The following DPYD variants were observed in gnomAD, a reference collection of about 807,000 sequenced individuals.
The protein encoded by DPYD is dihydropyrimidine dehydrogenase [NADP(+)].
Under a neutral mutation model 116.2 loss-of-function variants are expected in DPYD, and 109 were observed. The observed-to-expected ratio is 0.94, with a 90% CI of 0.80 to 1.10. DPYD has a LOEUF of 1.10. Among genes scored for constraint, DPYD ranks in the 50% least tolerant of loss-of-function variants. The pLI is 0.00. For synonymous variants in DPYD, 440 were observed against 432.0 expected, an observed-to-expected ratio of 1.02 and a Z score of -0.23; for missense variants, 1,302 against 1,254.5, an observed-to-expected ratio of 1.04 and a Z score of -0.57.
chr1:97,242,575 A>C (rs897909123), intron 18 of DPYD, among the ~76,000 whole-genome samples: 1 of 151,708 alleles, frequency 6.6e-6, no homozygotes, highest in African/African-American at 2.4e-5. Flanking sequence ...AGACCTTTCA[A>C]GTTTATATAT....
chr1:97,674,795 C>T (rs1313886358), intron 8 of DPYD, among the ~76,000 whole-genome samples: 5 of 152,108 alleles, frequency 3.3e-5, no homozygotes, highest in Admixed American at 2.0e-4. Context: ...ACCTAAACAA[C>T]GAATTCAGAT....
chr1:97,679,754 C>T lies in DPYD; in HGVS notation c.763-572G>A, dbSNP rs190717909. Among the ~76,000 whole-genome samples, 46 of 152,160 alleles carry T rather than the reference C, an allele frequency of 3.0e-4. 1 individual carries two copies. In the East Asian group the frequency reaches 8.1e-3, roughly 27 times the overall value. Reference sequence around the variant, plus strand: ...GTCAGGAAGCAGAGGGTAGTCACCCCTAGTAAAAGTCACAATGCTTGGTCA... The same window carrying T: ...GTCAGGAAGCAGAGGGTAGTCACCCTTAGTAAAAGTCACAATGCTTGGTCA... On this transcript the variant is annotated intron_variant, in intron 7 of 22. Transcript: ENST00000370192.
intron 3 of DPYD, among the ~76,000 whole-genome samples, chr1:97,789,462 T>C (rs1024784543): frequency 1.3e-5 from 2 of 152,206 alleles, no homozygotes; most frequent in East Asian, 1.9e-4. Flanking sequence ...ATGTTTACTA[T>C]TGATCAGTAA....
chr1:97,870,435 C>T (rs113411628), intron 2 of DPYD, among the ~76,000 whole-genome samples: 3,868 of 151,668 alleles, frequency 0.026, 84 homozygotes, highest in Non-Finnish European at 0.033. Flanking sequence ...TCATAAACTT[C>T]AATAACGGAG....
intron 13 of DPYD, among the ~76,000 whole-genome samples, chr1:97,482,108 T>G (rs1200723782): frequency 6.6e-6 from 1 of 152,164 alleles, no homozygotes; most frequent in Non-Finnish European, 1.5e-5. Context: ...TTGACAACAA[T>G]TGAACAAGCG....
At chr1:97,102,256 T>G (rs1320073420) in intron 20 of DPYD, among the ~76,000 whole-genome samples, 1 of 151,458 alleles carries the variant, frequency 6.6e-6, no homozygotes, top group South Asian at 2.1e-4. Context: ...CTGTAATGGA[T>G]CAACTTTATT....
chr1:97,466,992 T>C (rs2101839641), intron 13 of DPYD, among the ~76,000 whole-genome samples: 1 of 152,136 alleles, frequency 6.6e-6, no homozygotes, highest in Non-Finnish European at 1.5e-5. Context: ...AAACTTGAGA[T>C]CCTACAAGAA....
intron 14 of DPYD, among the ~76,000 whole-genome samples, chr1:97,439,567 T>C (rs1297965374): frequency 3.9e-5 from 6 of 152,132 alleles, no homozygotes; most frequent in Non-Finnish European, 8.8e-5. Context: ...ATGTTATCTC[T>C]CTCCTTTTCT....
intron 6 of DPYD, among the ~76,000 whole-genome samples, chr1:97,693,313 AAAAACCAAAAAAG>A (rs1557887345): frequency 6.3e-5 from 8 of 126,376 alleles, no homozygotes; most frequent in Admixed American, 1.5e-4. Flanking sequence ...AAAAAAAAAA[AAAAACCAAAAAAG>A]AAAATGCAAG....
At chr1:97,513,406 TAA>T (rs1647956272) in intron 13 of DPYD, among the ~76,000 whole-genome samples, 2 of 151,770 alleles carry the variant, frequency 1.3e-5, no homozygotes, top group Admixed American at 1.3e-4. Flanking sequence ...ACTCCCTTGG[TAA>T]GCATTTAATT....
chr1:97,321,097 A>T (rs1047506296), intron 16 of DPYD, among the ~76,000 whole-genome samples: 1 of 104,456 alleles, frequency 9.6e-6, no homozygotes, highest in African/African-American at 3.7e-5. Context: ...GATGGATTAC[A>T]GATTTAAACG....
intron 1 of DPYD, among the ~76,000 whole-genome samples, chr1:97,916,176 T>C (rs145926025): frequency 6.6e-6 from 1 of 152,204 alleles, no homozygotes; most frequent in Non-Finnish European, 1.5e-5. Flanking sequence ...TTCCTTACTG[T>C]TAATATTCAT....
chr1:97,821,460 C>T (rs2101448240), intron 3 of DPYD, among the ~76,000 whole-genome samples: 1 of 152,042 alleles, frequency 6.6e-6, no homozygotes, highest in Middle Eastern at 3.4e-3. Context: ...ATCCCTTTGG[C>T]ATGATTACAG....
chr1:97,542,068 C>A lies in DPYD; in HGVS notation c.1524+7492G>T, dbSNP rs572697185. Among the ~76,000 whole-genome samples the A allele has an allele frequency of 1.4e-4, 22 of 152,240 alleles. No homozygotes were observed. In the Middle Eastern group the frequency reaches 0.017, roughly 118 times the overall value. On this transcript the variant is annotated intron_variant, in intron 12 of 22. Coordinates refer to ENST00000370192, the MANE Select transcript of DPYD (RefSeq NM_000110.4). Reference sequence around the variant, plus strand: ...TTCTTCACATTAATACCAGATCTGACACTACCATATCATTTCTATACATGA... The same window carrying A: ...TTCTTCACATTAATACCAGATCTGAAACTACCATATCATTTCTATACATGA...
intron 20 of DPYD, among the ~76,000 whole-genome samples, chr1:97,116,060 T>A (rs1367937099): frequency 1.3e-5 from 2 of 152,176 alleles, no homozygotes; most frequent in South Asian, 4.1e-4. Flanking sequence ...AACTATAATG[T>A]TAGCTTTTAT....
intron 2 of DPYD, among the ~76,000 whole-genome samples, chr1:97,844,476 G>C (rs1234165574): frequency 6.6e-6 from 1 of 152,128 alleles, no homozygotes; most frequent in East Asian, 1.9e-4. Context: ...CCAATAATTT[G>C]ATCAATCATG....
intron 2 of DPYD, among the ~76,000 whole-genome samples, chr1:97,862,132 G>C (rs1671148138): frequency 6.6e-6 from 1 of 151,562 alleles, no homozygotes; most frequent in Admixed American, 6.6e-5. Context: ...TTTTTTAAAG[G>C]GGAATTTTCC....
At chr1:97,397,040 C>T (rs1673047734) in intron 14 of DPYD, among the ~76,000 whole-genome samples, 1 of 152,056 alleles carries the variant, frequency 6.6e-6, no homozygotes, top group African/African-American at 2.4e-5. Flanking sequence ...TTATTATCCA[C>T]CTTTAGTTTC....
intron 20 of DPYD, among the ~76,000 whole-genome samples, chr1:97,156,881 T>C (rs1296555144): frequency 1.3e-5 from 2 of 151,816 alleles, no homozygotes; most frequent in African/African-American, 4.8e-5. Flanking sequence ...TGTCCAACAA[T>C]GATAGACTGG....
Sources: allele counts gnomAD v4.1 joint callset (sites outside exome capture counted in the v4.1 genomes callset), GRCh38; gene constraint gnomAD v4.1.1; transcripts MANE v1.5; gene names NCBI Gene and HGNC (gene_info 2026-07-23, HGNC 2026-07-21).